KIF22: variants seen among roughly 807,000 people sequenced by gnomAD.
KIF22 encodes the protein kinesin-like protein KIF22.
Under a neutral mutation model 73.0 loss-of-function variants are expected in KIF22, and 62 were observed. The observed-to-expected ratio is 0.85, with a 90% CI of 0.69 to 1.05. KIF22 has a LOEUF of 1.05. KIF22 is among the 50% of genes least tolerant of loss of function. KIF22 has a pLI of 0.00. For synonymous variants in KIF22, 411 were observed against 340.1 expected, an observed-to-expected ratio of 1.21 and a Z score of -2.29; for missense variants, 854 against 870.1, an observed-to-expected ratio of 0.98 and a Z score of 0.23.
chr16:29,791,088 A>C (rs1421725221), intron 1 of KIF22: 3 of 1,366,670 alleles, frequency 2.2e-6, no homozygotes, highest in African/African-American at 1.5e-5. Context: ...AACCCCGCGC[A>C]CTTTTTCTTT....
Position 29,799,138 on chromosome 16 carries a change from G to A in KIF22, c.713G>A (p.Arg238Gln), listed in dbSNP as rs751925003. 1.4e-5 allele frequency: 22 copies of A among 1,613,928 alleles called. No individual in the cohort carries two copies. The highest frequency in any genetic ancestry group is 3.3e-4 in the Middle Eastern group (2 of 6,084). The change falls in exon 5 of 14, where the codon CGG (arginine) becomes CAG (glutamine). Residue 238 changes from arginine (R) to glutamine (Q), a missense_variant. Physicochemically the swap from Arg to Gln is conservative, Grantham distance 43. Coordinates refer to ENST00000160827, the MANE Select transcript of KIF22 (RefSeq NM_007317.3). ...CGAAATCGGACTGTAGGAGCCACCCGGCTCAACCAGCGCTCCTCCCGCAGT... is the reference window on the plus strand; with the variant it reads ...CGAAATCGGACTGTAGGAGCCACCCAGCTCAACCAGCGCTCCTCCCGCAGT... Reference protein sequence around the residue: ...ASRNRTVGATRLNQRSSRSHA... With the variant: ...ASRNRTVGATQLNQRSSRSHA...
chr16:29,799,708 C>T lies in KIF22; in HGVS notation c.1071C>T (p.Ser357=), dbSNP rs372752891. 19 of 1,613,570 alleles carry T rather than the reference C, an allele frequency of 1.2e-5. No homozygotes were observed. The highest frequency in any genetic ancestry group is 5.5e-5 in the South Asian group (5 of 91,016). ...GACGCTTCTACCTAGACACAGTCTC[C>T]GCACTCAACTTTGCTGCCAGGTCCA... ...PERRFYLDTV[S]ALNFAARSKE... Residue 357 remains serine (S), a synonymous_variant, in exon 7 of 14, where the codon TCC becomes TCT. Transcript: ENST00000160827.
Position 29,797,903 on chromosome 16 carries a change from T to C in KIF22, c.267-471T>C, listed in dbSNP as rs892468813. On this transcript the variant is annotated intron_variant, in intron 2 of 13. Coordinates refer to ENST00000160827, the MANE Select transcript of KIF22 (RefSeq NM_007317.3). This position sits in a 1 kb window ranked among gnomAD's most constrained non-coding sequence, Gnocchi z 4.1. ...TAGTTCAGTCATAAGCAGCATCCTC[T>C]ATTTTCCCCATTATGGTGTAAAATA... 1.3e-5 allele frequency among the ~76,000 whole-genome samples: 2 copies of C among 152,214 alleles called. No homozygotes were observed. The highest frequency in any genetic ancestry group is 2.9e-5 in the Non-Finnish European group (2 of 68,034).
intron 13 of KIF22, 33 bp downstream of exon 13, chr16:29,805,207 T>C (rs1009997951): frequency 6.2e-7 from 1 of 1,614,094 alleles, no homozygotes; most frequent in Non-Finnish European, 8.5e-7. Context: ...CCTCTGCCTG[T>C]CCTGCGCCCC....
rs1596859879 is a variant in KIF22, at chr16:29,804,971, C to T, written c.1835C>T (p.Pro612Leu). 6.2e-7 allele frequency: 1 copy of T among 1,611,828 alleles called. No homozygotes were observed. Among genetic ancestry groups the T allele is most frequent in the Non-Finnish European group, 8.5e-7 (1 of 1,179,162 alleles). The change falls in exon 12 of 14, where the codon CCG becomes CTG. Residue 612 changes from proline to leucine, a missense_variant. Pro to Leu is a moderately conservative substitution (Grantham distance 98). Transcript: ENST00000160827. ...CTCCGCAGTCTTCAGCGCATTGGCC[C>T]GAAGAAGGCCCAGCTAATCGTGGGC... is the stretch of plus-strand genomic sequence containing the variant. ...RDLRSLQRIGPKKAQLIVGWR... is the reference protein window; with the variant it reads ...RDLRSLQRIGLKKAQLIVGWR...
In KIF22 at chr16:29,799,181, C is replaced by G; in HGVS notation, c.756C>G (p.Val252=). 1 of 1,613,350 alleles carries G rather than the reference C, an allele frequency of 6.2e-7. No individual in the cohort carries two copies. Among genetic ancestry groups the G allele is most frequent in the Non-Finnish European group, 8.5e-7 (1 of 1,179,670 alleles). The change falls in exon 5 of 14, where the codon GTC becomes GTG. Residue 252 remains valine (V), a synonymous_variant. Transcript: ENST00000160827. ...RSSRSHAVLL[V]KVDQRERLAP... ...CCCGCAGTCATGCTGTGCTCCTGGTCAAGGTGAGGCCGCAGACAGGGGCGA... is the reference window on the plus strand; with the variant it reads ...CCCGCAGTCATGCTGTGCTCCTGGTGAAGGTGAGGCCGCAGACAGGGGCGA...
At chr16:29,799,238 C>T (rs1427473229) in intron 5 of KIF22, 26 bp from the exon 6 acceptor site, 1 of 1,611,456 alleles carries the variant, frequency 6.2e-7, no homozygotes, top group Non-Finnish European at 8.5e-7. Flanking sequence ...CTGAGCTAAG[C>T]ACGAGACCTT....
intron 9 of KIF22, 130 bp downstream of exon 9, chr16:29,803,067 G>T: frequency 1.1e-6 from 1 of 886,536 alleles, no homozygotes; most frequent in South Asian, 1.6e-5. Context: ...AAGTTCTCCA[G>T]CTTCTGCTTG....
In KIF22 at chr16:29,804,802, T is replaced by G; in HGVS notation, c.1678-12T>G. ...CTGCCCTGCGTGTCACTCATCTCCCTTTGCCTCCCAGCTGGAGTCCCTGGA... is the reference window on the plus strand; with the variant it reads ...CTGCCCTGCGTGTCACTCATCTCCCGTTGCCTCCCAGCTGGAGTCCCTGGA... On this transcript the variant is annotated splice_polypyrimidine_tract_variant and intron_variant, in intron 11 of 13. Coordinates refer to ENST00000160827, the MANE Select transcript of KIF22 (RefSeq NM_007317.3). The G allele has an allele frequency of 6.3e-7, 1 of 1,591,240 alleles. No individual in the cohort carries two copies. The highest frequency in any genetic ancestry group is 1.1e-5 in the South Asian group (1 of 88,606).
At position 29,796,330 on chromosome 16, in the gene KIF22, G is replaced by A. The variant is rs112877479; in HGVS notation, c.71-563G>A. Among the ~76,000 whole-genome samples, 223 of 150,672 alleles carry A rather than the reference G, an allele frequency of 1.5e-3. 1 individual carries two copies. Among genetic ancestry groups the A allele is most frequent in the African/African-American group, 5.1e-3 (207 of 40,970 alleles). The stretch of plus-strand genomic sequence containing the variant: ...AGAAAATTCTGGCAGTTCGCTCTCT[G>A]GTTTAGGTTTCGGTCAGATGTCAAC... On this transcript the variant is annotated intron_variant, in intron 1 of 13. Transcript: ENST00000160827.
Position 29,798,800 on chromosome 16 carries a change from T to G in KIF22, c.549+53T>G, listed in dbSNP as rs1899025332. On this transcript the variant is annotated intron_variant, in intron 4 of 13. Transcript: ENST00000160827. The surrounding 1 kb of genome is among the most constrained non-coding windows in gnomAD (Gnocchi z 4.1). ...AGCAACAAAGGGTCAAAGTAAGACC[T>G]GGTTCTAGAACATGAAGCTCTGCTG... 3 of 1,593,978 alleles carry G rather than the reference T, an allele frequency of 1.9e-6. No homozygotes were observed. The highest frequency in any genetic ancestry group is 2.6e-6 in the Non-Finnish European group (3 of 1,169,490).
chr16:29,794,531 A>G lies in KIF22; in HGVS notation c.71-2362A>G, dbSNP rs1596842823. ...CCATTTTACCTTGAATGATGAACCT[A>G]CCTACTATGTGCTAGTCACTGTGCT... On this transcript the variant is annotated intron_variant, in intron 1 of 13. Coordinates refer to ENST00000160827, the MANE Select transcript of KIF22 (RefSeq NM_007317.3). 1.3e-5 allele frequency among the ~76,000 whole-genome samples: 2 copies of G among 152,104 alleles called. 1 individual carries two copies. Among genetic ancestry groups the G allele is most frequent in the South Asian group, 4.1e-4 (2 of 4,834 alleles).
At chr16:29,800,085 T>C (rs771559708) in intron 8 of KIF22, 37 bp downstream of exon 8, 1 of 1,582,492 alleles carries the variant, frequency 6.3e-7, no homozygotes, top group Non-Finnish European at 8.5e-7. Context: ...CCCTTCCTGA[T>C]GTATGGCTTA....
Position 29,802,860 on chromosome 16 carries a change from G to T in KIF22, c.1372G>T (p.Ala458Ser), listed in dbSNP as rs1446388253. 6 of 1,611,252 alleles carry T rather than the reference G, an allele frequency of 3.7e-6. No individual in the cohort carries two copies. The highest frequency in any genetic ancestry group is 5.1e-6 in the Non-Finnish European group (6 of 1,179,000). Residue 458 changes from alanine (A) to serine (S), a missense_variant, in exon 9 of 14, where the codon GCC becomes TCC. Ala to Ser is a moderately conservative substitution (Grantham distance 99, BLOSUM62 1). Transcript: ENST00000160827. Reference protein sequence around the residue: ...RLLASQGSQGAPLLSTPKRER... With the variant: ...RLLASQGSQGSPLLSTPKRER... Reference sequence around the variant, plus strand: ...GCTTGCCTCCCAGGGGAGCCAGGGGGCCCCTCTGTTGAGTACCCCAAAGCG... The same window carrying T: ...GCTTGCCTCCCAGGGGAGCCAGGGGTCCCCTCTGTTGAGTACCCCAAAGCG...
chr16:29,798,671 C>G lies in KIF22; in HGVS notation c.473C>G (p.Thr158Arg). ...GCTCTCATGGACCTCCTGCAGCTCA[C>G]AAGGGAGGAGGGTGCCGAGGGCCGG... ...PRALMDLLQL[T>R]REEGAEGRPW... The change falls in exon 4 of 14, where the codon ACA becomes AGA. Residue 158 changes from threonine to arginine, a missense_variant. Thr to Arg is a moderately conservative substitution (Grantham distance 71, BLOSUM62 -1). Transcript: ENST00000160827. The surrounding 1 kb of genome is among the most constrained non-coding windows in gnomAD (Gnocchi z 4.1). The G allele has an allele frequency of 6.2e-7, 1 of 1,614,164 alleles. No homozygotes were observed. Among genetic ancestry groups the G allele is most frequent in the Non-Finnish European group, 8.5e-7 (1 of 1,180,022 alleles).
intron 9 of KIF22, 110 bp from the exon 10 acceptor site, chr16:29,803,339 G>T (rs958145594): frequency 4.5e-6 from 6 of 1,340,380 alleles, no homozygotes. Flanking sequence ...ACTGGTCCTA[G>T]CCCTGCCCTC....
rs1472022206 is a variant in KIF22, at chr16:29,796,285, AC to A, written c.71-607del. On this transcript the variant is annotated intron_variant, in intron 1 of 13. Transcript: ENST00000160827. ...GACTGTCTCAAAAAAAAAAAAAAAA[AC>A]ACACACACACACACACACAGAAAAT... Among the ~76,000 whole-genome samples, 193 of 122,478 alleles carry A rather than the reference AC, an allele frequency of 1.6e-3. 1 individual carries two copies. The highest frequency in any genetic ancestry group is 4.4e-3 in the African/African-American group (136 of 30,938). The allele number at this position is 122,478 out of a possible 152,430, so 80.4% of individuals were successfully genotyped here.
chr16:29,798,462 C>T lies in KIF22; in HGVS notation c.355C>T (p.Gln119Ter), dbSNP rs774870270. ...CATCCTAAGGCACTTGCTGGAAGGGCAGAATGCCAGTGTGCTTGCCTATGG... is the reference window on the plus strand; with the variant it reads ...CATCCTAAGGCACTTGCTGGAAGGGTAGAATGCCAGTGTGCTTGCCTATGG... ...QPILRHLLEG[Q>*]NASVLAYGPT... Residue 119 changes from glutamine to a stop codon, truncating the protein, a stop_gained, in exon 3 of 14, where the codon CAG becomes TAG. Transcript: ENST00000160827. LOFTEE classifies it high-confidence loss of function. The surrounding 1 kb of genome is among the most constrained non-coding windows in gnomAD (Gnocchi z 4.1). 7.4e-6 allele frequency: 12 copies of T among 1,614,052 alleles called. No individual in the cohort carries two copies. Among genetic ancestry groups the T allele is most frequent in the African/African-American group, 1.3e-5 (1 of 74,932 alleles).
Position 29,803,458 on chromosome 16 carries a change from A to G in KIF22, c.1459A>G (p.Thr487Ala), listed in dbSNP as rs765346437. 9 of 1,614,034 alleles carry G rather than the reference A, an allele frequency of 5.6e-6. No homozygotes were observed. The highest frequency in any genetic ancestry group is 7.6e-6 in the Non-Finnish European group (9 of 1,180,024). The change falls in exon 10 of 14, where the codon ACG becomes GCG. Residue 487 changes from threonine to alanine, a missense_variant. This residue lies in a region of KIF22 where 423 missense variants were observed against 365.4 expected (regional missense o/e 1.16). Transcript: ENST00000160827. ...EKDLEIERLK[T>A]KQKELEAKML... Reference sequence around the variant, plus strand: ...TGATCCTTTCCAACAGAGGCTTAAGACGAAGCAAAAAGAACTGGAGGCCAA... The same window carrying G: ...TGATCCTTTCCAACAGAGGCTTAAGGCGAAGCAAAAAGAACTGGAGGCCAA...
Sources: gnomAD v4.1 joint callset for allele counts (sites outside exome capture counted in the v4.1 genomes callset) on GRCh38, gnomAD v4.1.1 for gene constraint, gnomAD v4.1.1 regional missense constraint, Gnocchi (gnomAD v3.1) non-coding constraint, MANE v1.5 for transcripts, NCBI Gene and HGNC (gene_info 2026-07-23, HGNC 2026-07-21) for gene names.